The following RPGRIP1L variants were observed in gnomAD, a reference collection of about 807,000 sequenced individuals.
RPGRIP1L encodes the protein protein fantom.
Under a neutral mutation model 160.4 loss-of-function variants are expected in RPGRIP1L, and 131 were observed. The observed-to-expected ratio is 0.82, with a 90% CI of 0.71 to 0.94. The LOEUF is 0.94. RPGRIP1L is among the 40% of genes least tolerant of loss of function. The probability of loss-of-function intolerance (pLI) is 0.00; values close to 1 mark genes in which losing one functional copy is unlikely to be tolerated. For missense variants in RPGRIP1L, 1,522 were observed against 1,535.8 expected, an observed-to-expected ratio of 0.99 and a Z score of 0.15; for synonymous variants, 510 against 515.8, an observed-to-expected ratio of 0.99 and a Z score of 0.15.
intron 15 of RPGRIP1L, 147 bp downstream of exon 15, chr16:53,652,388 A>G (rs1966870350): frequency 1.4e-6 from 1 of 699,320 alleles, no homozygotes; most frequent in Non-Finnish European, 2.5e-6. Flanking sequence ...GACGTTTAAG[A>G]TAGTCCAATT....
intron 4 of RPGRIP1L, among the ~76,000 whole-genome samples, chr16:53,688,972 T>C (rs551563433): frequency 1.3e-5 from 2 of 151,714 alleles, no homozygotes; most frequent in South Asian, 2.1e-4. Context: ...TTCCTACATA[T>C]ACCATGAAAA....
At chr16:53,679,398 G>A (rs768004218) in intron 6 of RPGRIP1L, among the ~76,000 whole-genome samples, 1 of 151,884 alleles carries the variant, frequency 6.6e-6, no homozygotes, top group Admixed American at 6.6e-5. Context: ...ATGGGAATCT[G>A]ATTTTTTTTT....
chr16:53,679,576 C>T (rs138068200), intron 6 of RPGRIP1L, among the ~76,000 whole-genome samples: 4 of 138,072 alleles, frequency 2.9e-5, no homozygotes, highest in Middle Eastern at 6.9e-3. Flanking sequence ...GGAATCTGAA[C>T]CTTACAGTCA....
chr16:53,685,282 T>C (rs1969921521), intron 6 of RPGRIP1L, among the ~76,000 whole-genome samples: 1 of 152,238 alleles, frequency 6.6e-6, no homozygotes, highest in South Asian at 2.1e-4. Flanking sequence ...TCAACCATTG[T>C]GTAAGACTGT....
chr16:53,690,475 C>T (rs1416690643), intron 4 of RPGRIP1L, among the ~76,000 whole-genome samples: 7 of 152,122 alleles, frequency 4.6e-5, no homozygotes, highest in Admixed American at 6.5e-5. Flanking sequence ...GGATTATAGG[C>T]GTGAGTCACT....
Position 53,646,070 on chromosome 16 carries a change from C to G in RPGRIP1L, c.2305-67G>C, listed in dbSNP as rs1016430311. On this transcript the variant is annotated intron_variant, in intron 16 of 26. Coordinates refer to ENST00000647211, the MANE Select transcript of RPGRIP1L (RefSeq NM_015272.5). ...TAAAAGATGAACAGCAGCTGCCAAG[C>G]CCCAAATAAGATAATTTTGTCAATG... 7.7e-6 allele frequency: 11 copies of G among 1,426,208 alleles called. No individual in the cohort carries two copies. The Admixed American group carries it at 1.6e-4, about 21-fold the overall frequency. The allele number at this position is 1,426,208 out of a possible 1,614,324, so 88.3% of individuals were successfully genotyped here.
chr16:53,648,039 G>C (rs1345266900), intron 16 of RPGRIP1L, among the ~76,000 whole-genome samples: 1 of 147,232 alleles, frequency 6.8e-6, no homozygotes, highest in Non-Finnish European at 1.5e-5. Flanking sequence ...GGGAGGCGGA[G>C]CTTGCAGTGA....
intron 22 of RPGRIP1L, among the ~76,000 whole-genome samples, chr16:53,626,143 A>G (rs901724430): frequency 3.8e-5 from 5 of 133,216 alleles, no homozygotes; most frequent in African/African-American, 1.6e-4. Context: ...ATCAATAAAT[A>G]CTAAAAAAAA....
intron 9 of RPGRIP1L, 46 bp downstream of exon 9, chr16:53,671,464 A>C: frequency 3.3e-6 from 4 of 1,210,896 alleles, no homozygotes; most frequent in Non-Finnish European, 4.9e-6. Flanking sequence ...TACATATAAA[A>C]GAGCTCAAAC....
At position 53,636,444 on chromosome 16, in the gene RPGRIP1L, T is replaced by C; in HGVS notation, c.3289A>G (p.Lys1097Glu). The C allele has an allele frequency of 6.2e-7, 1 of 1,607,010 alleles. No individual in the cohort carries two copies. Among genetic ancestry groups the C allele is most frequent in the Non-Finnish European group, 8.5e-7 (1 of 1,173,792 alleles). ...IIPGPISKNI[K>E]QSLALSPGLG... ...GTTGGCATCAAGTTACTGACCTGTT[T>C]GATATTCTTGGAGATAGGACCTGGA... is the stretch of plus-strand genomic sequence containing the variant. The change falls in exon 22 of 27, where the codon AAA (lysine) becomes GAA (glutamate). Residue 1097 changes from lysine (K) to glutamate (E), a missense_variant. Physicochemically the swap from Lys to Glu is moderately conservative, Grantham distance 56 (BLOSUM62 1). Transcript: ENST00000647211.
chr16:53,616,299 A>T (rs753422237), intron 24 of RPGRIP1L, among the ~76,000 whole-genome samples: 1 of 152,198 alleles, frequency 6.6e-6, no homozygotes, highest in East Asian at 1.9e-4. Flanking sequence ...AATATACAAG[A>T]GATAGTTACT....
In RPGRIP1L at chr16:53,619,156, T is replaced by G. The variant is rs769809157; in HGVS notation, c.3485A>C (p.Gln1162Pro). The change falls in exon 24 of 27, where the codon CAA becomes CCA. Residue 1162 changes from glutamine (Q) to proline (P), a missense_variant. Physicochemically the swap from Gln to Pro is moderately conservative, Grantham distance 76 (BLOSUM62 -1). Coordinates refer to ENST00000647211, the MANE Select transcript of RPGRIP1L (RefSeq NM_015272.5). ...TTGGATAGTGTCATCCATGGTTACT[T>G]GAGAATCATTAAGGCTTAGAGCTAT... ...EIIALSLNDS[Q>P]VTMDDTIQRL... The G allele has an allele frequency of 6.2e-7, 1 of 1,614,062 alleles. No individual in the cohort carries two copies. The highest frequency in any genetic ancestry group is 1.1e-5 in the South Asian group (1 of 91,080).
intron 9 of RPGRIP1L, among the ~76,000 whole-genome samples, chr16:53,667,638 C>T (rs775853221): frequency 1.4e-4 from 21 of 152,074 alleles, no homozygotes; most frequent in Admixed American, 2.0e-4. Context: ...TTTGGGAGGC[C>T]GAGGTGGGCA....
chr16:53,702,015 C>A (rs1368608651), intron 1 of RPGRIP1L, among the ~76,000 whole-genome samples: 2 of 151,992 alleles, frequency 1.3e-5, no homozygotes, highest in Non-Finnish European at 2.9e-5. Context: ...GACACATAGG[C>A]CCGTGTATGA....
chr16:53,641,123 CAA>C lies in RPGRIP1L; in HGVS notation c.2875-9_2875-8del. 1 of 1,607,622 alleles carries C rather than the reference CAA, an allele frequency of 6.2e-7. No homozygotes were observed. On this transcript the variant is annotated splice_polypyrimidine_tract_variant and splice_region_variant and intron_variant, in intron 18 of 26. Transcript: ENST00000647211. Reference sequence around the variant, plus strand: ...TTGGTTTAGGTCTTGGTGCCTAAGACAAACCAACCAATGTGTCAGACTGAGTA... The same window carrying C: ...TTGGTTTAGGTCTTGGTGCCTAAGACACCAACCAATGTGTCAGACTGAGTA...
rs542159678 is a variant in RPGRIP1L, at chr16:53,682,832, T to A, written c.776+3601A>T. 3.9e-5 allele frequency among the ~76,000 whole-genome samples: 6 copies of A among 152,306 alleles called. No homozygotes were observed. The South Asian group carries it at 1.0e-3, about 26-fold the overall frequency. On this transcript the variant is annotated intron_variant, in intron 6 of 26. Transcript: ENST00000647211. ...TCTAAATCTTCTTCCTACAGAAATA[T>A]GAATAACTCATAGGTATTCAAGCTT...
chr16:53,618,963 A>T, intron 24 of RPGRIP1L, 62 bp downstream of exon 24: 1 of 1,314,996 alleles, frequency 7.6e-7, no homozygotes, highest in Non-Finnish European at 1.1e-6. Flanking sequence ...TGTTCTTTCC[A>T]CTTCTTTCAT....
Position 53,637,731 on chromosome 16 carries a change from C to G in RPGRIP1L, c.3184G>C (p.Asp1062His). The change falls in exon 21 of 27, where the codon GAT becomes CAT. Residue 1062 changes from aspartate to histidine, a missense_variant. Coordinates refer to ENST00000647211, the MANE Select transcript of RPGRIP1L (RefSeq NM_015272.5). The stretch of plus-strand genomic sequence containing the variant: ...AAGTCCTCTGTTATTTCTGTTTCAT[C>G]TTCAGAAGATGCCAAGCTTTGTTCT... ...LAEQSLASSE[D>H]ETEITEDLEP... 6.2e-7 allele frequency: 1 copy of G among 1,611,722 alleles called. No individual in the cohort carries two copies. Among genetic ancestry groups the G allele is most frequent in the Non-Finnish European group, 8.5e-7 (1 of 1,179,734 alleles).
intron 17 of RPGRIP1L, among the ~76,000 whole-genome samples, chr16:53,642,329 G>A (rs894560104): frequency 3.9e-5 from 6 of 151,900 alleles, no homozygotes; most frequent in Admixed American, 3.9e-4. Context: ...GAGTAGCTGG[G>A]ACTACAGGCA....
Sources: allele counts gnomAD v4.1 joint callset (sites outside exome capture counted in the v4.1 genomes callset), GRCh38; gene constraint gnomAD v4.1.1; transcripts MANE v1.5; gene names NCBI Gene and HGNC (gene_info 2026-07-23, HGNC 2026-07-21).